CDK19: variants seen among roughly 807,000 people sequenced by gnomAD.
The protein encoded by CDK19 is cyclin-dependent kinase 19.
A neutral mutation model predicts 68.3 loss-of-function variants in CDK19; 20 were observed. That is an observed-to-expected ratio of 0.29 (90% CI 0.21 to 0.43). CDK19 has a LOEUF of 0.43. Among genes scored for constraint, CDK19 ranks in the 20% least tolerant of loss-of-function variants. CDK19 has a pLI of 1.00. For synonymous variants in CDK19, 221 were observed against 222.8 expected (o/e 0.99, Z 0.07); for missense variants, 339 against 623.5 (o/e 0.54, Z 4.86).
At chr6:110,673,953 G>A (rs1427623878) in intron 2 of CDK19, among the ~76,000 whole-genome samples, 2 of 152,184 alleles carry the variant, frequency 1.3e-5, no homozygotes, top group East Asian at 3.9e-4. Flanking sequence ...CAGATACTGT[G>A]TTTTTCCCAA....
chr6:110,732,637 A>C (rs1017783774), intron 2 of CDK19, among the ~76,000 whole-genome samples: 6 of 152,144 alleles, frequency 3.9e-5, no homozygotes, highest in African/African-American at 1.4e-4. Context: ...CAATCTCTCT[A>C]GTCTTTATTT....
chr6:110,804,878 C>T (rs1381972761), intron 1 of CDK19, among the ~76,000 whole-genome samples: 2 of 151,678 alleles, frequency 1.3e-5, no homozygotes, highest in Non-Finnish European at 2.9e-5. Flanking sequence ...ATGGCGTGAA[C>T]CCAGGAGGCG....
intron 2 of CDK19, among the ~76,000 whole-genome samples, chr6:110,715,739 G>A (rs148626483): frequency 7.5e-4 from 114 of 152,214 alleles, no homozygotes; most frequent in African/African-American, 2.6e-3. Context: ...CACCTGCCTC[G>A]GCCTCCCAAA....
intron 2 of CDK19, among the ~76,000 whole-genome samples, chr6:110,737,539 C>A (rs777493679): frequency 2.6e-5 from 4 of 152,116 alleles, no homozygotes; most frequent in African/African-American, 9.7e-5. Flanking sequence ...GTAGAGCAGA[C>A]AACAGACAGA....
At chr6:110,695,665 T>C (rs1773415674) in intron 2 of CDK19, among the ~76,000 whole-genome samples, 1 of 152,046 alleles carries the variant, frequency 6.6e-6, no homozygotes, top group Non-Finnish European at 1.5e-5. Flanking sequence ...CTGGAGATAT[T>C]ACAACCGATA....
At chr6:110,618,724 A>G (rs1778510582) in intron 12 of CDK19, among the ~76,000 whole-genome samples, 1 of 152,184 alleles carries the variant, frequency 6.6e-6, no homozygotes, top group African/African-American at 2.4e-5. Context: ...ACTGCTAGTC[A>G]CAAACAACTG....
At position 110,703,572 on chromosome 6, in the gene CDK19, G is replaced by T. The variant is rs1277983141; in HGVS notation, c.205-33031C>A. On this transcript the variant is annotated intron_variant, in intron 2 of 12. Transcript: ENST00000368911. Reference sequence around the variant, plus strand: ...AAAAATGAACCTGCCAGGCACAGTGGTTCACACATCTAGTCCCAGCACTTT... The same window carrying T: ...AAAAATGAACCTGCCAGGCACAGTGTTTCACACATCTAGTCCCAGCACTTT... Among the ~76,000 whole-genome samples the T allele has an allele frequency of 2.6e-5, 4 of 152,264 alleles. No individual in the cohort carries two copies. In the East Asian group the frequency reaches 7.7e-4, roughly 29 times the overall value.
At chr6:110,668,726 G>T (rs779085641) in intron 3 of CDK19, among the ~76,000 whole-genome samples, 3 of 152,064 alleles carry the variant, frequency 2.0e-5, no homozygotes, top group Non-Finnish European at 2.9e-5. Flanking sequence ...CAGCTACACA[G>T]GAGGCTGAGG....
intron 1 of CDK19, among the ~76,000 whole-genome samples, chr6:110,769,523 C>T (rs1178811066): frequency 6.6e-6 from 1 of 150,838 alleles, no homozygotes; most frequent in Non-Finnish European, 1.5e-5. Context: ...TGAGATGGCA[C>T]CACTGCACTC....
intron 1 of CDK19, among the ~76,000 whole-genome samples, chr6:110,789,608 C>T (rs1365526173): frequency 6.6e-6 from 1 of 152,114 alleles, no homozygotes; most frequent in Non-Finnish European, 1.5e-5. Context: ...CAGGGTCTAA[C>T]CATGTTGCTC....
chr6:110,755,197 T>A (rs1004948197), intron 1 of CDK19, among the ~76,000 whole-genome samples: 4 of 152,038 alleles, frequency 2.6e-5, no homozygotes, highest in African/African-American at 9.7e-5. Context: ...TGCACCACCA[T>A]GCTCAGCTAA....
At chr6:110,804,506 C>T (rs940747429) in intron 1 of CDK19, among the ~76,000 whole-genome samples, 1 of 151,436 alleles carries the variant, frequency 6.6e-6, no homozygotes, top group African/African-American at 2.4e-5. Flanking sequence ...CGTGCCACCA[C>T]GCTGGGCTAA....
chr6:110,648,528 TTTTTC>T (rs1226099560), intron 4 of CDK19, among the ~76,000 whole-genome samples: 2 of 149,768 alleles, frequency 1.3e-5, no homozygotes, highest in African/African-American at 4.9e-5. Context: ...CATGAAATCT[TTTTTC>T]TTTTCTTTTT....
intron 2 of CDK19, among the ~76,000 whole-genome samples, chr6:110,685,490 CCTAA>C (rs900813261): frequency 1.3e-5 from 2 of 152,200 alleles, no homozygotes; most frequent in Non-Finnish European, 2.9e-5. Context: ...ATTGTCTCCC[CCTAA>C]CTGATTGTAA....
chr6:110,733,607 C>G (rs1447983032), intron 2 of CDK19, among the ~76,000 whole-genome samples: 1 of 152,222 alleles, frequency 6.6e-6, no homozygotes, highest in East Asian at 1.9e-4. Flanking sequence ...ATGGTATTAT[C>G]AGTCTTCTTC....
intron 1 of CDK19, chr6:110,813,457 G>C (rs1783276427): frequency 6.6e-6 from 1 of 152,124 alleles, no homozygotes; most frequent in Admixed American, 6.5e-5. Context: ...AAATATAACT[G>C]ATAAAATTCC....
chr6:110,750,681 A>G (rs1367021818), intron 1 of CDK19, among the ~76,000 whole-genome samples: 1 of 152,216 alleles, frequency 6.6e-6, no homozygotes, highest in Non-Finnish European at 1.5e-5. Flanking sequence ...TTTATTTACT[A>G]AGCGTCTACT....
intron 2 of CDK19, among the ~76,000 whole-genome samples, chr6:110,712,267 T>C (rs758880497): frequency 9.9e-5 from 15 of 152,242 alleles, no homozygotes; most frequent in Admixed American, 2.0e-4. Context: ...CAAACTTTGC[T>C]AAATATATTT....
intron 5 of CDK19, among the ~76,000 whole-genome samples, chr6:110,637,030 T>C (rs772047199): frequency 2.0e-5 from 3 of 152,236 alleles, no homozygotes; most frequent in Non-Finnish European, 2.9e-5. Flanking sequence ...CAGGGATGTT[T>C]GTAGGGAAAG....
Sources: gnomAD v4.1 joint callset for allele counts (sites outside exome capture counted in the v4.1 genomes callset) on GRCh38, gnomAD v4.1.1 for gene constraint, MANE v1.5 for transcripts, NCBI Gene and HGNC (gene_info 2026-07-23, HGNC 2026-07-21) for gene names.